Variants in BAZ1A observed in about 807,000 individuals in gnomAD.
The protein encoded by BAZ1A is bromodomain adjacent to zinc finger domain protein 1A.
BAZ1A carries 50 observed loss-of-function variants against 185.2 expected under a neutral mutation model. The observed-to-expected ratio is 0.27, with a 90% CI of 0.22 to 0.34. The LOEUF is 0.34. Ranked by LOEUF, BAZ1A falls within the 10% of genes least tolerant of loss-of-function variation. BAZ1A has a pLI of 1.00. For synonymous variants in BAZ1A, 571 were observed against 615.6 expected (o/e 0.93, Z 1.07); for missense variants, 1,356 against 1,839.9 (o/e 0.74, Z 4.81).
chr14:34,863,341 T>C (rs2042803409), intron 2 of BAZ1A, among the ~76,000 whole-genome samples: 1 of 151,826 alleles, frequency 6.6e-6, no homozygotes, highest in Admixed American at 6.6e-5. Flanking sequence ...TTTTGTATTT[T>C]TAGTAGAGAC....
At chr14:34,840,180 G>T (rs2042392191) in intron 3 of BAZ1A, among the ~76,000 whole-genome samples, 1 of 152,136 alleles carries the variant, frequency 6.6e-6, no homozygotes, top group Non-Finnish European at 1.5e-5. Context: ...TTGAAGTATA[G>T]ATTGGTCCTG....
intron 23 of BAZ1A, among the ~76,000 whole-genome samples, chr14:34,762,569 T>A (rs1338361315): frequency 6.6e-6 from 1 of 151,904 alleles, no homozygotes; most frequent in Non-Finnish European, 1.5e-5. Flanking sequence ...CTGACCTCCC[T>A]GTGATCAGGT....
chr14:34,753,179 AAAAAT>A lies in BAZ1A; in HGVS notation c.*324_*328del, dbSNP rs2138512679. 4.3e-6 allele frequency: 1 copy of A among 230,448 alleles called. No individual in the cohort carries two copies. Among genetic ancestry groups the A allele is most frequent in the East Asian group, 9.8e-5 (1 of 10,190 alleles). 14.3% of individuals were successfully genotyped at this position (230,448 alleles called of 1,614,324 possible). On this transcript the variant is annotated 3_prime_UTR_variant, in exon 27 of 27. Transcript: ENST00000360310. ...CTCCCTTAATACCACCACTTTAAAA[AAAAAT>A]CATCAATAACAAAATAAATCGTGGG...
chr14:34,874,638 G>T lies in BAZ1A; in HGVS notation c.-34C>A. On this transcript the variant is annotated 5_prime_UTR_variant, in exon 2 of 27. Coordinates refer to ENST00000360310, the MANE Select transcript of BAZ1A (RefSeq NM_013448.3). This position sits in a 1 kb window ranked among gnomAD's most constrained non-coding sequence, Gnocchi z 4.7. ...CGCCCGCGGGCTCGCCTGGACCCTC[G>T]GCCGCCCGCGCCGGCCCCGCTTCCC... 6.5e-7 allele frequency: 1 copy of T among 1,544,350 alleles called. No individual in the cohort carries two copies. Among genetic ancestry groups the T allele is most frequent in the Non-Finnish European group, 8.8e-7 (1 of 1,133,350 alleles).
In BAZ1A at chr14:34,764,385, C is replaced by T. The variant is rs144348275; in HGVS notation, c.3776+322G>A. On this transcript the variant is annotated intron_variant, in intron 23 of 26. Coordinates refer to ENST00000360310, the MANE Select transcript of BAZ1A (RefSeq NM_013448.3). ...GTTACCTCACTGCAACCTCCGCTCC[C>T]GGGTTCAAGCAGCTCTCCTACCTCA... Among the ~76,000 whole-genome samples, 951 of 151,158 alleles carry T rather than the reference C, an allele frequency of 6.3e-3. 12 individuals are homozygous for T. Among genetic ancestry groups the T allele is most frequent in the African/African-American group, 0.022 (908 of 41,150 alleles).
chr14:34,867,239 A>G (rs975346603), intron 2 of BAZ1A, among the ~76,000 whole-genome samples: 5 of 152,236 alleles, frequency 3.3e-5, no homozygotes, highest in African/African-American at 1.2e-4. Flanking sequence ...AGCCAGGGCA[A>G]CAGAGCGAGA....
At chr14:34,844,245 CA>C (rs2042467626) in intron 3 of BAZ1A, among the ~76,000 whole-genome samples, 2 of 136,216 alleles carry the variant, frequency 1.5e-5, no homozygotes, top group African/African-American at 5.6e-5. Context: ...ATGGTTTAAA[CA>C]CTTATTACCT....
intron 2 of BAZ1A, among the ~76,000 whole-genome samples, chr14:34,868,894 A>ATGTGTGTG (rs763173896): frequency 1.4e-5 from 1 of 71,070 alleles, no homozygotes; most frequent in African/African-American, 4.7e-5. Context: ...GTATGTAAGT[A>ATGTGTGTG]TGTATGTGTG....
chr14:34,779,773 T>A (rs1426028689), intron 17 of BAZ1A, among the ~76,000 whole-genome samples: 1 of 152,192 alleles, frequency 6.6e-6, no homozygotes, highest in Non-Finnish European at 1.5e-5. Flanking sequence ...TTATTGATCT[T>A]TATATCTCTA....
intron 3 of BAZ1A, among the ~76,000 whole-genome samples, chr14:34,847,346 C>T (rs567927151): frequency 4.7e-4 from 71 of 151,128 alleles, no homozygotes; most frequent in Non-Finnish European, 8.2e-4. Flanking sequence ...TTTTATCTTA[C>T]GAATTCAGTA....
intron 4 of BAZ1A, among the ~76,000 whole-genome samples, chr14:34,813,215 A>C (rs2041955430): frequency 6.7e-6 from 1 of 149,904 alleles, no homozygotes; most frequent in Admixed American, 6.7e-5. Context: ...AAACCTACAA[A>C]ACACACACAC....
chr14:34,800,457 G>C, intron 8 of BAZ1A, 67 bp from the exon 9 acceptor site: 1 of 1,218,750 alleles, frequency 8.2e-7, no homozygotes, highest in South Asian at 1.5e-5. Context: ...TTTTTTTGAT[G>C]TAACAACAGA....
At chr14:34,840,739 AGAGT>A (rs2042400159) in intron 3 of BAZ1A, among the ~76,000 whole-genome samples, 1 of 151,376 alleles carries the variant, frequency 6.6e-6, no homozygotes, top group South Asian at 2.1e-4. Flanking sequence ...CCTGGGCGAC[AGAGT>A]GAGACTCTGT....
At chr14:34,862,414 T>A in intron 2 of BAZ1A, 92 bp from the exon 3 acceptor site, 8 of 1,448,626 alleles carry the variant, frequency 5.5e-6, no homozygotes, top group Middle Eastern at 1.9e-4. Flanking sequence ...AGGTTATTTT[T>A]GTGCCTTTAA....
At chr14:34,767,865 G>C (rs1878954498) in intron 21 of BAZ1A, among the ~76,000 whole-genome samples, 1 of 152,138 alleles carries the variant, frequency 6.6e-6, no homozygotes, top group African/African-American at 2.4e-5. Context: ...TAGTTTGAAT[G>C]ATTTTTTAAT....
intron 4 of BAZ1A, among the ~76,000 whole-genome samples, chr14:34,823,360 A>C (rs2042115813): frequency 6.6e-6 from 1 of 151,016 alleles, no homozygotes; most frequent in Non-Finnish European, 1.5e-5. Flanking sequence ...TCTCAAAAAA[A>C]AAAAAAGTTA....
intron 4 of BAZ1A, among the ~76,000 whole-genome samples, chr14:34,823,584 C>G (rs1044065229): frequency 6.6e-6 from 1 of 151,822 alleles, no homozygotes; most frequent in Non-Finnish European, 1.5e-5. Context: ...CACTTGAACC[C>G]GAGAGATGGG....
intron 16 of BAZ1A, among the ~76,000 whole-genome samples, chr14:34,782,607 G>A (rs911318954): frequency 2.6e-5 from 4 of 151,936 alleles, no homozygotes; most frequent in African/African-American, 9.7e-5. Context: ...AGATCTTAAG[G>A]CTTATTAATG....
rs552996353 is a variant in BAZ1A at position 34,839,619 on chromosome 14, G to A, written c.393-13463C>T. ...AGCACTTTGGGAGGCCAAGGTGGGC[G>A]GATTATGAGGTCAGGAGATCTAGAC... On this transcript the variant is annotated intron_variant, in intron 3 of 26. Transcript: ENST00000360310. 3.1e-3 allele frequency among the ~76,000 whole-genome samples: 467 copies of A among 150,948 alleles called. 1 individual carries two copies. The highest frequency in any genetic ancestry group is 0.011 in the African/African-American group (437 of 41,170).
Sources: allele counts gnomAD v4.1 joint callset (sites outside exome capture counted in the v4.1 genomes callset), GRCh38; gene constraint gnomAD v4.1.1; non-coding constraint Gnocchi (gnomAD v3.1); transcripts MANE v1.5; gene names NCBI Gene and HGNC (gene_info 2026-07-23, HGNC 2026-07-21).